Variants in GRM8 observed in about 807,000 individuals in gnomAD.
GRM8 encodes the protein metabotropic glutamate receptor 8.
In GRM8, 47 loss-of-function variants were observed where a neutral mutation model predicts 87.2. That is an observed-to-expected ratio of 0.54 (90% CI 0.43 to 0.69). The LOEUF (loss-of-function observed/expected upper bound fraction) is 0.69, where lower values mean the gene tolerates loss of function less well. Ranked by LOEUF, GRM8 falls within the 30% of genes least tolerant of loss-of-function variation. The pLI is 0.00. For synonymous variants in GRM8, 396 were observed against 404.5 expected, an observed-to-expected ratio of 0.98 and a Z score of 0.25; for missense variants, 1,019 against 1,139.2, an observed-to-expected ratio of 0.89 and a Z score of 1.52.
At chr7:126,807,952 C>T (rs1331332631) in intron 6 of GRM8, among the ~76,000 whole-genome samples, 3 of 152,066 alleles carry the variant, frequency 2.0e-5, no homozygotes, top group South Asian at 2.1e-4. Flanking sequence ...AAAAATGGAC[C>T]GGAATGACTC....
chr7:126,868,133 A>G (rs897191627), intron 6 of GRM8, among the ~76,000 whole-genome samples: 7 of 152,144 alleles, frequency 4.6e-5, no homozygotes, highest in African/African-American at 1.7e-4. Context: ...GATGGCAGCA[A>G]TCCCCATCCT....
chr7:126,706,104 T>G (rs911785672), intron 7 of GRM8, among the ~76,000 whole-genome samples: 1 of 152,160 alleles, frequency 6.6e-6, no homozygotes, highest in Non-Finnish European at 1.5e-5. Flanking sequence ...GGAAGATGCT[T>G]GCAAGTAACA....
At chr7:127,083,609 C>T (rs1398962432) in intron 3 of GRM8, among the ~76,000 whole-genome samples, 1 of 151,312 alleles carries the variant, frequency 6.6e-6, no homozygotes, top group Non-Finnish European at 1.5e-5. Flanking sequence ...CCCATCATCC[C>T]TTTCCTAAGC....
At chr7:126,667,040 C>T (rs1805846228) in intron 7 of GRM8, among the ~76,000 whole-genome samples, 1 of 151,960 alleles carries the variant, frequency 6.6e-6, no homozygotes, top group African/African-American at 2.4e-5. Context: ...AGGATTTTGA[C>T]CTAATGGTAA....
At chr7:126,742,419 T>C (rs922742640) in intron 7 of GRM8, among the ~76,000 whole-genome samples, 1 of 151,834 alleles carries the variant, frequency 6.6e-6, no homozygotes, top group Non-Finnish European at 1.5e-5. Context: ...TACAACAGTA[T>C]CCTATTTCCT....
At chr7:126,661,449 A>G (rs1805160005) in intron 7 of GRM8, among the ~76,000 whole-genome samples, 1 of 152,214 alleles carries the variant, frequency 6.6e-6, no homozygotes. Flanking sequence ...AAACATTTAA[A>G]GGCCAAAAGG....
chr7:126,674,043 T>C (rs926236681), intron 7 of GRM8, among the ~76,000 whole-genome samples: 1 of 152,192 alleles, frequency 6.6e-6, no homozygotes, highest in African/African-American at 2.4e-5. Context: ...TTGAACATCA[T>C]TTCTACCTAA....
intron 6 of GRM8, among the ~76,000 whole-genome samples, chr7:126,798,783 T>C (rs578229329): frequency 7.1e-4 from 108 of 152,268 alleles, no homozygotes; most frequent in African/African-American, 2.5e-3. Flanking sequence ...GACTGGCATT[T>C]GCACAGGAGG....
chr7:126,500,252 C>G (rs149843098), intron 9 of GRM8, among the ~76,000 whole-genome samples: 4 of 152,044 alleles, frequency 2.6e-5, no homozygotes, highest in Admixed American at 2.6e-4. Flanking sequence ...CCCTCAACCT[C>G]TGGTAACCAC....
chr7:127,183,121 C>A (rs1794558291), intron 2 of GRM8, among the ~76,000 whole-genome samples: 1 of 151,684 alleles, frequency 6.6e-6, no homozygotes, highest in Admixed American at 6.6e-5. Flanking sequence ...CTAATGCTGA[C>A]CAAAAGGAAG....
At chr7:126,455,216 A>G (rs11772712) in intron 9 of GRM8, among the ~76,000 whole-genome samples, 4,596 of 151,816 alleles carry the variant, frequency 0.03, 83 homozygotes, top group Non-Finnish European at 0.047. Context: ...ACAGTCACGA[A>G]GAAGTCATTT....
chr7:127,236,223 C>T (rs1797973546), intron 2 of GRM8, among the ~76,000 whole-genome samples: 1 of 152,118 alleles, frequency 6.6e-6, no homozygotes, highest in Admixed American at 6.6e-5. Context: ...GTTAAAAATA[C>T]ATTTAAATGG....
rs17864135 is a variant in GRM8 at position 127,118,928 on chromosome 7, A to T, written c.511-12216T>A. 4.2e-4 allele frequency among the ~76,000 whole-genome samples: 64 copies of T among 152,310 alleles called. 1 individual carries two copies. The highest frequency in any genetic ancestry group is 7.2e-4 in the Admixed American group (11 of 15,296). On this transcript the variant is annotated intron_variant, in intron 2 of 10. Coordinates refer to ENST00000339582, the MANE Select transcript of GRM8 (RefSeq NM_000845.3). ...CATTGCCATATATGGTATCACAGTG[A>T]ATAGGAGATACTAGCATCTAAGATC... is the stretch of plus-strand genomic sequence containing the variant.
chr7:126,840,126 G>A (rs1448010061), intron 6 of GRM8, among the ~76,000 whole-genome samples: 1 of 152,126 alleles, frequency 6.6e-6, no homozygotes, highest in Admixed American at 6.5e-5. Flanking sequence ...ATTCAAGCCT[G>A]ATAGGTAATT....
intron 6 of GRM8, among the ~76,000 whole-genome samples, chr7:126,807,688 A>C (rs903028134): frequency 1.2e-4 from 18 of 151,844 alleles, no homozygotes; most frequent in South Asian, 2.1e-4. Context: ...AAACCCTAAA[A>C]TCCCAGTTGC....
intron 7 of GRM8, among the ~76,000 whole-genome samples, chr7:126,666,324 G>A (rs968701582): frequency 6.6e-6 from 1 of 152,140 alleles, no homozygotes; most frequent in African/African-American, 2.4e-5. Context: ...AGATGACAGA[G>A]TCAGGATCCA....
chr7:127,021,295 G>T (rs2096712451), intron 3 of GRM8, among the ~76,000 whole-genome samples: 1 of 140,192 alleles, frequency 7.1e-6, no homozygotes, highest in African/African-American at 2.7e-5. Context: ...CACCTCCCCA[G>T]CTGCTTCCTT....
At chr7:127,195,880 C>T (rs1281375840) in intron 2 of GRM8, among the ~76,000 whole-genome samples, 1 of 152,056 alleles carries the variant, frequency 6.6e-6, no homozygotes, top group Non-Finnish European at 1.5e-5. Flanking sequence ...TTTGTTTTTC[C>T]TTATACATCT....
chr7:126,900,395 A>G (rs1268368156), intron 6 of GRM8, among the ~76,000 whole-genome samples: 1 of 152,236 alleles, frequency 6.6e-6, no homozygotes, highest in African/African-American at 2.4e-5. Flanking sequence ...TCAACCACTC[A>G]GCTGGTTGTT....
Sources: gnomAD v4.1 joint callset for allele counts (sites outside exome capture counted in the v4.1 genomes callset) on GRCh38, gnomAD v4.1.1 for gene constraint, MANE v1.5 for transcripts, NCBI Gene and HGNC (gene_info 2026-07-23, HGNC 2026-07-21) for gene names.